Variants in SLC25A24 observed in about 807,000 individuals in gnomAD.
SLC25A24 encodes the protein solute carrier family 25 member 24, also known as mitochondrial adenyl nucleotide antiporter SLC25A24.
SLC25A24 carries 49 observed loss-of-function variants against 60.7 expected under a neutral mutation model. The ratio of observed to expected loss-of-function variants is 0.81; its 90% CI spans 0.64 to 1.02. SLC25A24 has a LOEUF of 1.02. Ranked by LOEUF, SLC25A24 falls within the 50% of genes least tolerant of loss-of-function variation. SLC25A24 has a pLI of 0.00. For synonymous variants in SLC25A24, 202 were observed against 200.6 expected (o/e 1.01, Z -0.06); for missense variants, 564 against 586.3 (o/e 0.96, Z 0.39).
Position 108,148,305 on chromosome 1 carries a change from C to T in SLC25A24, c.904G>A (p.Ala302Thr). 6.2e-7 allele frequency: 1 copy of T among 1,610,320 alleles called. No homozygotes were observed. Among genetic ancestry groups the T allele is most frequent in the South Asian group, 1.1e-5 (1 of 91,020 alleles). ...TCCATTGGATATATAAAAGTCTGTGCAGTTGCTCCAGCCATGGAACCAGAA... is the reference window on the plus strand; with the variant it reads ...TCCATTGGATATATAAAAGTCTGTGTAGTTGCTCCAGCCATGGAACCAGAA... ...FISGSMAGATAQTFIYPMEVM... is the reference protein window; with the variant it reads ...FISGSMAGATTQTFIYPMEVM... Residue 302 changes from alanine to threonine, a missense_variant, in exon 7 of 10, where the codon GCA becomes ACA. Transcript: ENST00000565488.
At position 108,150,457 on chromosome 1, in the gene SLC25A24, A is replaced by G. The variant is rs150662838; in HGVS notation, c.823-2071T>C. Among the ~76,000 whole-genome samples the G allele has an allele frequency of 3.3e-4, 50 of 152,294 alleles. No homozygotes were observed. In the East Asian group the frequency reaches 9.1e-3, roughly 28 times the overall value. On this transcript the variant is annotated intron_variant, in intron 6 of 9. Coordinates refer to ENST00000565488, the MANE Select transcript of SLC25A24 (RefSeq NM_013386.5). ...TAACTGAGCCCTCAAAACCACCCTG[A>G]AATCCTTTTGTCTATCTCAGTTCTC...
intron 9 of SLC25A24, among the ~76,000 whole-genome samples, chr1:108,137,061 A>G (rs552729926): frequency 2.0e-4 from 31 of 152,316 alleles, no homozygotes; most frequent in Admixed American, 7.8e-4. Context: ...ATTAATTACT[A>G]TGTTCTAAAT....
chr1:108,182,816 G>C (rs1647977610), intron 2 of SLC25A24, among the ~76,000 whole-genome samples: 1 of 152,020 alleles, frequency 6.6e-6, no homozygotes. Context: ...CTGGGTGACA[G>C]AGTGAGACTC....
At chr1:108,160,650 C>T (rs1191414096) in intron 4 of SLC25A24, among the ~76,000 whole-genome samples, 1 of 152,234 alleles carries the variant, frequency 6.6e-6, no homozygotes, top group Non-Finnish European at 1.5e-5. Context: ...TGCACCCCAG[C>T]CTGGGCACCA....
chr1:108,180,752 A>T (rs1041562021), intron 3 of SLC25A24, among the ~76,000 whole-genome samples: 1 of 151,956 alleles, frequency 6.6e-6, no homozygotes, highest in Admixed American at 6.6e-5. Flanking sequence ...TGGCACTCTC[A>T]TCTTAAACTT....
intron 1 of SLC25A24, among the ~76,000 whole-genome samples, chr1:108,188,548 G>A (rs941448776): frequency 6.6e-6 from 1 of 152,168 alleles, no homozygotes; most frequent in African/African-American, 2.4e-5. Context: ...TCATCTAAGA[G>A]GTTTATATTT....
intron 1 of SLC25A24, chr1:108,199,072 CAG>C (rs1299517058): frequency 2.6e-5 from 4 of 152,102 alleles, no homozygotes; most frequent in Non-Finnish European, 5.9e-5. Context: ...GAACCTTGGA[CAG>C]AACAGGCAGT....
intron 1 of SLC25A24, among the ~76,000 whole-genome samples, chr1:108,195,374 G>A (rs1377909284): frequency 6.6e-6 from 1 of 152,206 alleles, no homozygotes; most frequent in Non-Finnish European, 1.5e-5. Flanking sequence ...CATGTTGGGA[G>A]TTTGGAAAGG....
At chr1:108,167,711 A>C (rs1647254682) in intron 3 of SLC25A24, among the ~76,000 whole-genome samples, 1 of 152,202 alleles carries the variant, frequency 6.6e-6, no homozygotes, top group Non-Finnish European at 1.5e-5. Flanking sequence ...TAGTGAGATG[A>C]ACCCGGTACC....
chr1:108,174,913 A>G (rs1163033918), intron 3 of SLC25A24, among the ~76,000 whole-genome samples: 2 of 152,198 alleles, frequency 1.3e-5, no homozygotes, highest in Non-Finnish European at 1.5e-5. Flanking sequence ...TATTTAATCA[A>G]TGCCTGTACC....
In SLC25A24 at chr1:108,155,033, CG is replaced by C. The variant is rs1287844170; in HGVS notation, c.771del (p.Asn257LysfsTer30). ...IRSLWRGNGT[N>X]VIKIAPETAV... ...GCTGTCTCAGGAGCAATTTTGATGACGTTTGTACCATTTCCCCTCCAAAGCG... is the reference window on the plus strand; with the variant it reads ...GCTGTCTCAGGAGCAATTTTGATGACTTTGTACCATTTCCCCTCCAAAGCG... On this transcript the variant is annotated frameshift_variant, in exon 6 of 10. Coordinates refer to ENST00000565488, the MANE Select transcript of SLC25A24 (RefSeq NM_013386.5). LOFTEE classifies it high-confidence loss of function. 1 of 1,612,558 alleles carries C rather than the reference CG, an allele frequency of 6.2e-7. No individual in the cohort carries two copies. Among genetic ancestry groups the C allele is most frequent in the South Asian group, 1.1e-5 (1 of 90,846 alleles).
chr1:108,142,245 G>C (rs1423673480), intron 8 of SLC25A24, among the ~76,000 whole-genome samples: 1 of 152,158 alleles, frequency 6.6e-6, no homozygotes, highest in Non-Finnish European at 1.5e-5. Flanking sequence ...ATGACCATAT[G>C]GCTCAGCAAT....
chr1:108,136,612 T>C lies in SLC25A24; in HGVS notation c.*41A>G, dbSNP rs41278468. 14,900 of 1,545,738 alleles carry C rather than the reference T, an allele frequency of 9.6e-3. 105 individuals carry two copies. The highest frequency in any genetic ancestry group is 0.011 in the Non-Finnish European group (12,801 of 1,123,198). On this transcript the variant is annotated 3_prime_UTR_variant, in exon 10 of 10. Transcript: ENST00000565488. ...GGAGAAAAAGTCACTCCAGAGATTG[T>C]TGAAAGTTTCAATTATCAGGCTAAA...
intron 8 of SLC25A24, among the ~76,000 whole-genome samples, chr1:108,140,894 CA>C (rs1349412158): frequency 6.6e-6 from 1 of 150,720 alleles, no homozygotes. Flanking sequence ...AGCCACAGGA[CA>C]AAGATAAAAA....
intron 3 of SLC25A24, among the ~76,000 whole-genome samples, chr1:108,171,206 A>G (rs900700505): frequency 1.3e-5 from 2 of 151,946 alleles, no homozygotes; most frequent in Non-Finnish European, 2.9e-5. Context: ...TACAGTTTCA[A>G]TGGTTTACCT....
intron 1 of SLC25A24, among the ~76,000 whole-genome samples, chr1:108,198,149 C>G (rs1648551893): frequency 6.6e-6 from 1 of 152,186 alleles, no homozygotes; most frequent in Non-Finnish European, 1.5e-5. Flanking sequence ...TTAAACTTCC[C>G]AGCCTGCGGA....
chr1:108,183,630 A>C (rs1375028313), intron 2 of SLC25A24, among the ~76,000 whole-genome samples: 2 of 152,212 alleles, frequency 1.3e-5, no homozygotes, highest in African/African-American at 4.8e-5. Flanking sequence ...TATCAAACGC[A>C]TATATTTTCT....
chr1:108,197,753 C>A (rs1421959154), intron 1 of SLC25A24, among the ~76,000 whole-genome samples: 1 of 152,158 alleles, frequency 6.6e-6, no homozygotes, highest in African/African-American at 2.4e-5. Context: ...ATAATGCAAT[C>A]CTGTGGAGGA....
chr1:108,195,673 C>G (rs1446472474), intron 1 of SLC25A24, among the ~76,000 whole-genome samples: 1 of 152,036 alleles, frequency 6.6e-6, no homozygotes, highest in Non-Finnish European at 1.5e-5. Context: ...TAATATTGTG[C>G]CAGAAACCAT....
Sources: allele counts gnomAD v4.1 joint callset (sites outside exome capture counted in the v4.1 genomes callset), GRCh38; gene constraint gnomAD v4.1.1; transcripts MANE v1.5; gene names NCBI Gene and HGNC (gene_info 2026-07-23, HGNC 2026-07-21).